The following VPS13D variants were observed in gnomAD, a reference collection of about 807,000 sequenced individuals.
VPS13D encodes vacuolar protein sorting 13 homolog D, also known as intermembrane lipid transfer protein VPS13D.
Under a neutral mutation model 461.9 loss-of-function variants are expected in VPS13D, and 187 were observed. That is an observed-to-expected ratio of 0.40 (90% CI 0.36 to 0.46). The LOEUF (loss-of-function observed/expected upper bound fraction) is 0.46. Among genes scored for constraint, VPS13D ranks in the 20% least tolerant of loss-of-function variants. The pLI, the probability that VPS13D is intolerant of heterozygous loss-of-function variation, is 0.60. For synonymous variants in VPS13D, 1,951 were observed against 1,986.3 expected, an observed-to-expected ratio of 0.98 and a Z score of 0.47; for missense variants, 4,711 against 5,364.9, an observed-to-expected ratio of 0.88 and a Z score of 3.81.
intron 24 of VPS13D, among the ~76,000 whole-genome samples, chr1:12,295,074 T>A (rs1569835198): frequency 6.8e-6 from 1 of 147,978 alleles, no homozygotes; most frequent in African/African-American, 2.6e-5. Context: ...ATACAGAAAT[T>A]AGCCGGGTGT....
chr1:12,485,525 A>C (rs1006179698), intron 67 of VPS13D, among the ~76,000 whole-genome samples: 1 of 152,250 alleles, frequency 6.6e-6, no homozygotes, highest in South Asian at 2.1e-4. Context: ...TGCATGTTTA[A>C]TGTGACACAG....
rs961745842 is a variant in VPS13D at position 12,335,955 on chromosome 1, G to T, written c.8551+128G>T. 10 of 1,394,086 alleles carry T rather than the reference G, an allele frequency of 7.2e-6. No individual in the cohort carries two copies. The African/African-American group carries it at 1.4e-4, about 20-fold the overall frequency. The allele number at this position is 1,394,086 out of a possible 1,614,324, so 86.4% of individuals were successfully genotyped here. A position where few individuals can be genotyped will look rare whatever the true frequency, so the allele number is the denominator to read the frequency against. On this transcript the variant is annotated intron_variant, in intron 39 of 69. Coordinates refer to ENST00000620676, the MANE Select transcript of VPS13D (RefSeq NM_015378.4). Reference sequence around the variant, plus strand: ...CTACAGGAAATTCTGACTATCTTCTGTAGTTCTGTTTTAGTCTTTGCAGGA... The same window carrying T: ...CTACAGGAAATTCTGACTATCTTCTTTAGTTCTGTTTTAGTCTTTGCAGGA...
In VPS13D at chr1:12,415,080, T is replaced by G; in HGVS notation, c.12031-7T>G. The G allele has an allele frequency of 6.2e-7, 1 of 1,613,758 alleles. No individual in the cohort carries two copies. The highest frequency in any genetic ancestry group is 8.5e-7 in the Non-Finnish European group (1 of 1,179,824). On this transcript the variant is annotated splice_polypyrimidine_tract_variant and splice_region_variant and intron_variant, in intron 63 of 69. Transcript: ENST00000620676. The stretch of plus-strand genomic sequence containing the variant: ...TAAGTATGTCATTTCCTTTCTTCCC[T>G]AATTAGGCCCTAAAAAGCACCTTGG...
intron 47 of VPS13D, among the ~76,000 whole-genome samples, chr1:12,355,017 G>A (rs1643873783): frequency 1.3e-5 from 2 of 152,230 alleles, no homozygotes; most frequent in South Asian, 4.1e-4. Context: ...CAGAACAAAT[G>A]TATAGGCCAA....
intron 65 of VPS13D, among the ~76,000 whole-genome samples, chr1:12,429,009 T>G (rs1190935037): frequency 6.6e-6 from 1 of 151,932 alleles, no homozygotes; most frequent in East Asian, 1.9e-4. Context: ...TCCTCAAGGA[T>G]GAGATTGGCT....
intron 50 of VPS13D, among the ~76,000 whole-genome samples, chr1:12,361,832 C>A (rs1643955383): frequency 6.6e-6 from 1 of 152,020 alleles, no homozygotes; most frequent in Admixed American, 6.6e-5. Context: ...GCGCTGAAAA[C>A]AGTAATTTTA....
At chr1:12,315,575 T>C (rs1161270579) in intron 30 of VPS13D, among the ~76,000 whole-genome samples, 2 of 152,156 alleles carry the variant, frequency 1.3e-5, no homozygotes, top group Non-Finnish European at 2.9e-5. Flanking sequence ...AGTTAGAAAC[T>C]TGGATAAGGG....
In VPS13D at chr1:12,368,606, T is replaced by G. The variant is rs1397451336; in HGVS notation, c.10572+15T>G. 1 of 1,608,552 alleles carries G rather than the reference T, an allele frequency of 6.2e-7. No individual in the cohort carries two copies. Among genetic ancestry groups the G allele is most frequent in the South Asian group, 1.1e-5 (1 of 90,080 alleles). ...ACTTTTCTAAGGTATCAAGTGGAGC[T>G]GAGAGCCAGTTTGACTGTTTCATGT... On this transcript the variant is annotated intron_variant, in intron 53 of 69. Coordinates refer to ENST00000620676, the MANE Select transcript of VPS13D (RefSeq NM_015378.4).
In VPS13D at chr1:12,350,774, CA is replaced by C. The variant is rs141851734; in HGVS notation, c.9431+1401del. ...AGAAAATCAACAATGTCAAAATTGACATAAATTTGACAAACTTCTAGCAAGA... is the reference window on the plus strand; with the variant it reads ...AGAAAATCAACAATGTCAAAATTGACTAAATTTGACAAACTTCTAGCAAGA... On this transcript the variant is annotated intron_variant, in intron 46 of 69. Coordinates refer to ENST00000620676, the MANE Select transcript of VPS13D (RefSeq NM_015378.4). Among the ~76,000 whole-genome samples the C allele has an allele frequency of 4.3e-3, 649 of 151,994 alleles. 3 individuals are homozygous for C. The highest frequency in any genetic ancestry group is 0.015 in the African/African-American group (625 of 41,462).
At chr1:12,396,934 T>C (rs79937613) in intron 60 of VPS13D, among the ~76,000 whole-genome samples, 4,348 of 152,270 alleles carry the variant, frequency 0.029, 114 homozygotes, top group African/African-American at 0.062. Context: ...TTTGTTTGTT[T>C]ATTTGTTTGT....
Position 12,234,298 on chromosome 1 carries a change from A to G in VPS13D, c.32A>G (p.Asn11Ser). 1 of 1,614,122 alleles carries G rather than the reference A, an allele frequency of 6.2e-7. No individual in the cohort carries two copies. The highest frequency in any genetic ancestry group is 8.5e-7 in the Non-Finnish European group (1 of 1,179,994). Residue 11 changes from asparagine (N) to serine (S), a missense_variant, in exon 2 of 70, where the codon AAT (asparagine) becomes AGT (serine). Asn to Ser is a conservative substitution (Grantham distance 46, BLOSUM62 1). Around this residue, in one of 3 missense-constraint regions of VPS13D, gnomAD observed 4,411 missense variants for 4,937.8 expected, o/e 0.89. Coordinates refer to ENST00000620676, the MANE Select transcript of VPS13D (RefSeq NM_015378.4). ...GAAGGCCTTGTAGCCTGGGTTCTCA[A>G]TACCTATTTGGGAAAATATGTCAAT... is the stretch of plus-strand genomic sequence containing the variant. MLEGLVAWVL[N>S]TYLGKYVNNL... is the part of the protein sequence containing the mutation.
At chr1:12,403,705 G>A (rs927852251) in intron 62 of VPS13D, 120 bp from the exon 63 acceptor site, 38 of 939,504 alleles carry the variant, frequency 4.0e-5, no homozygotes, top group Non-Finnish European at 4.9e-5. Context: ...AAACTAAATC[G>A]AGAGTGATAG....
intron 65 of VPS13D, among the ~76,000 whole-genome samples, chr1:12,423,977 A>G: frequency 6.6e-6 from 1 of 152,222 alleles, no homozygotes; most frequent in East Asian, 1.9e-4. Context: ...AAGGCAATTT[A>G]TGACTTGTAT....
chr1:12,477,525 A>G (rs1368343876), intron 67 of VPS13D, among the ~76,000 whole-genome samples: 2 of 152,150 alleles, frequency 1.3e-5, no homozygotes, highest in Non-Finnish European at 2.9e-5. Context: ...CCACTCTAGA[A>G]CATTCCAGGA....
At chr1:12,353,951 T>A (rs1417530919) in intron 46 of VPS13D, 23 bp from the exon 47 acceptor site, 1 of 1,606,294 alleles carries the variant, frequency 6.2e-7, no homozygotes, top group Non-Finnish European at 8.5e-7. Flanking sequence ...TCTGATGATT[T>A]TTACACCATT....
At chr1:12,360,503 T>C (rs1465121510) in intron 50 of VPS13D, among the ~76,000 whole-genome samples, 1 of 152,174 alleles carries the variant, frequency 6.6e-6, no homozygotes, top group Non-Finnish European at 1.5e-5. Context: ...CCCACCTTTT[T>C]CCAAAGATTG....
chr1:12,266,591 A>G (rs1318487929), intron 13 of VPS13D, among the ~76,000 whole-genome samples: 1 of 152,254 alleles, frequency 6.6e-6, no homozygotes, highest in Non-Finnish European at 1.5e-5. Flanking sequence ...TTGCACACTC[A>G]GTACACTACT....
chr1:12,272,866 T>G (rs542062113), intron 17 of VPS13D, 137 bp from the exon 18 acceptor site: 13 of 1,250,920 alleles, frequency 1.0e-5, no homozygotes, highest in Non-Finnish European at 1.4e-5. Context: ...TACTTTTGTC[T>G]TAGACTTTTT....
At chr1:12,312,028 A>T in intron 29 of VPS13D, 103 bp downstream of exon 29, 2 of 938,858 alleles carry the variant, frequency 2.1e-6, no homozygotes, top group Non-Finnish European at 3.2e-6. Context: ...TGGCCCACAG[A>T]TGGAATGTTG....
Sources: allele counts gnomAD v4.1 joint callset (sites outside exome capture counted in the v4.1 genomes callset), GRCh38; gene constraint gnomAD v4.1.1; regional missense constraint gnomAD v4.1.1; transcripts MANE v1.5; gene names NCBI Gene and HGNC (gene_info 2026-07-23, HGNC 2026-07-21).